LRP5: variants seen among roughly 807,000 people sequenced by gnomAD.
LRP5 encodes LDL receptor related protein 5.
LRP5 carries 62 observed loss-of-function variants against 154.1 expected under a neutral mutation model. The ratio of observed to expected loss-of-function variants is 0.40; its 90% CI spans 0.33 to 0.50. LRP5 has a LOEUF of 0.50. Ranked by LOEUF, LRP5 falls within the 20% of genes least tolerant of loss-of-function variation. The pLI is 0.55. For missense variants in LRP5, 1,915 were observed against 2,336.7 expected (o/e 0.82, Z 3.72); for synonymous variants, 966 against 1,011.5 (o/e 0.96, Z 0.85).
In LRP5 at chr11:68,413,653, C is replaced by T. The variant is rs761291947; in HGVS notation, c.2504-36C>T. On this transcript the variant is annotated intron_variant, in intron 11 of 22. Transcript: ENST00000294304. This position sits in a 1 kb window ranked among gnomAD's most constrained non-coding sequence, Gnocchi z 5.1. ...CCGTGTGCTCTGTGGCCTGGCTGTGCCTTTGCTGACACCGTGCCCGTGTGT... is the reference window on the plus strand; with the variant it reads ...CCGTGTGCTCTGTGGCCTGGCTGTGTCTTTGCTGACACCGTGCCCGTGTGT... 6.3e-7 allele frequency: 1 copy of T among 1,597,302 alleles called. No individual in the cohort carries two copies. Among genetic ancestry groups the T allele is most frequent in the East Asian group, 2.2e-5 (1 of 44,822 alleles).
intron 5 of LRP5, among the ~76,000 whole-genome samples, chr11:68,384,666 G>T (rs1220416775): frequency 6.6e-6 from 1 of 152,170 alleles, no homozygotes; most frequent in Non-Finnish European, 1.5e-5. Flanking sequence ...CAAACTGGGG[G>T]TCCTAGGACA....
At chr11:68,340,956 T>C (rs1360754946) in intron 1 of LRP5, among the ~76,000 whole-genome samples, 1 of 152,020 alleles carries the variant, frequency 6.6e-6, no homozygotes, top group Non-Finnish European at 1.5e-5. Flanking sequence ...GGTGTTGACA[T>C]GTCGAACGTT....
intron 8 of LRP5, among the ~76,000 whole-genome samples, chr11:68,404,767 G>A (rs1408150904): frequency 1.3e-5 from 2 of 151,990 alleles, no homozygotes; most frequent in East Asian, 1.9e-4. Flanking sequence ...TCAGGAGATC[G>A]AGACCATCCT....
chr11:68,441,841 A>G lies in LRP5; in HGVS notation c.4488+1925A>G, dbSNP rs58191456. Among the ~76,000 whole-genome samples the G allele has an allele frequency of 8.7e-3, 1,320 of 152,330 alleles. 26 individuals carry two copies. The highest frequency in any genetic ancestry group is 0.031 in the African/African-American group (1,273 of 41,566). ...ATGTGTGCAACCCTCACCACAGTTA[A>G]TTTTAGAACATTTTCCTGCCCCTAA... On this transcript the variant is annotated intron_variant, in intron 21 of 22. Coordinates refer to ENST00000294304, the MANE Select transcript of LRP5 (RefSeq NM_002335.4).
At chr11:68,420,079 G>A (rs1294634631) in intron 13 of LRP5, among the ~76,000 whole-genome samples, 4 of 152,118 alleles carry the variant, frequency 2.6e-5, no homozygotes, top group Non-Finnish European at 4.4e-5. Context: ...GCGAGCCACC[G>A]CACCCAGCCC....
At chr11:68,346,124 T>A (rs562234603) in intron 1 of LRP5, among the ~76,000 whole-genome samples, 2 of 152,360 alleles carry the variant, frequency 1.3e-5, no homozygotes, top group African/African-American at 4.8e-5. Flanking sequence ...GTGGGTTGCC[T>A]TTTTACTCTC....
At chr11:68,415,311 C>T (rs2098661931) in intron 12 of LRP5, among the ~76,000 whole-genome samples, 1 of 152,144 alleles carries the variant, frequency 6.6e-6, no homozygotes, top group Non-Finnish European at 1.5e-5. Flanking sequence ...TTGACTGTGC[C>T]CGGTTTTCCG....
chr11:68,302,729 CAT>C, the LRP5 span, among the ~76,000 whole-genome samples: 6 of 152,184 alleles, frequency 3.9e-5, no homozygotes, highest in South Asian at 8.3e-4. Flanking sequence ...GCATGACACA[CAT>C]GTCTGGTGTT....
chr11:68,358,820 C>T (rs1453932720), intron 3 of LRP5, among the ~76,000 whole-genome samples: 1 of 152,222 alleles, frequency 6.6e-6, no homozygotes, highest in Non-Finnish European at 1.5e-5. Context: ...ATTCACTAAC[C>T]AAGTGCTGCC....
chr11:68,312,656 G>C lies in LRP5; in HGVS notation c.-59G>C. ...GCCGGGAGCCGCGCGAGGAGCCGCC[G>C]CCGCCGCGCCATGGAGCCCGAGTGA... is the stretch of plus-strand genomic sequence containing the variant. On this transcript the variant is annotated 5_prime_UTR_variant, in exon 1 of 23. Coordinates refer to ENST00000294304, the MANE Select transcript of LRP5 (RefSeq NM_002335.4). 1 of 815,048 alleles carries C rather than the reference G, an allele frequency of 1.2e-6. No individual in the cohort carries two copies. Among genetic ancestry groups the C allele is most frequent in the Non-Finnish European group, 1.5e-6 (1 of 673,860 alleles). 50.5% of individuals were successfully genotyped at this position (815,048 alleles called of 1,614,324 possible). A position where few individuals can be genotyped will look rare whatever the true frequency, so the allele number is the denominator to read the frequency against.
At chr11:68,319,879 C>T (rs1203263255) in intron 1 of LRP5, among the ~76,000 whole-genome samples, 3 of 151,978 alleles carry the variant, frequency 2.0e-5, no homozygotes, top group South Asian at 2.1e-4. Flanking sequence ...ATATTGAGGC[C>T]GGGCACAGTG....
chr11:68,354,399 C>T (rs1056236636), intron 2 of LRP5, among the ~76,000 whole-genome samples: 2 of 152,210 alleles, frequency 1.3e-5, no homozygotes, highest in Non-Finnish European at 2.9e-5. Flanking sequence ...GGCTCCTGCT[C>T]CTGCACGTTT....
intron 13 of LRP5, among the ~76,000 whole-genome samples, chr11:68,416,843 C>T (rs578212096): frequency 1.8e-4 from 27 of 152,312 alleles, no homozygotes; most frequent in African/African-American, 6.5e-4. Context: ...ACTGGTTAAT[C>T]CAGGTTTATC....
At chr11:68,350,741 C>T (rs953773484) in intron 2 of LRP5, among the ~76,000 whole-genome samples, 3 of 152,232 alleles carry the variant, frequency 2.0e-5, no homozygotes, top group Non-Finnish European at 4.4e-5. Flanking sequence ...CCAAGTTCAC[C>T]TCTTTGATCT....
intron 1 of LRP5, among the ~76,000 whole-genome samples, chr11:68,341,059 C>CTTTTTTTTTTTTTTTTTTTTTTTTTTTTT (rs576462333): frequency 2.4e-5 from 2 of 83,494 alleles, no homozygotes; most frequent in Admixed American, 1.6e-4. Flanking sequence ...GGAGATTGTT[C>CTTTTTTTTTTTTTTTTTTTTTTTTTTTTT]TTTTTTTTTT....
At chr11:68,431,415 T>C (rs991594367) in intron 17 of LRP5, among the ~76,000 whole-genome samples, 17 of 152,006 alleles carry the variant, frequency 1.1e-4, no homozygotes, top group Non-Finnish European at 2.2e-4. Context: ...AATTTTTGTA[T>C]TTTCAGTAGA....
At chr11:68,361,137 CT>C (rs1332733931) in intron 3 of LRP5, among the ~76,000 whole-genome samples, 1 of 148,076 alleles carries the variant, frequency 6.8e-6, no homozygotes, top group Non-Finnish European at 1.5e-5. Context: ...AACCCTGTCT[CT>C]ACTAAAAATA....
At position 68,438,671 on chromosome 11, in the gene LRP5, G is replaced by T. The variant is rs143166423; in HGVS notation, c.4337G>T (p.Gly1446Val). 1.9e-6 allele frequency: 3 copies of T among 1,612,216 alleles called. No individual in the cohort carries two copies. The highest frequency in any genetic ancestry group is 2.7e-5 in the African/African-American group (2 of 74,932). ...ATAGCCCCGGGCGGTTCCCAGCATG[G>T]CCCCTTCACAGGTAAGGAGCCTGAG... ...NFIAPGGSQH[G>V]PFTGIACGKS... is the part of the protein sequence containing the mutation. Residue 1446 changes from glycine (G) to valine (V), a missense_variant, in exon 20 of 23, where the codon GGC becomes GTC. By Grantham distance (109) the Gly-to-Val change is moderately radical. This residue lies in a region of LRP5 where 1,094 missense variants were observed against 1,210.1 expected (regional missense o/e 0.90). Transcript: ENST00000294304.
chr11:68,350,702 G>C (rs965176011), intron 2 of LRP5, among the ~76,000 whole-genome samples: 1 of 152,224 alleles, frequency 6.6e-6, no homozygotes, highest in African/African-American at 2.4e-5. Context: ...GCTGGTGTTT[G>C]GGAGCTCAGG....
Sources: allele counts gnomAD v4.1 joint callset (sites outside exome capture counted in the v4.1 genomes callset), GRCh38; gene constraint gnomAD v4.1.1; regional missense constraint gnomAD v4.1.1; non-coding constraint Gnocchi (gnomAD v3.1); transcripts MANE v1.5; gene names NCBI Gene and HGNC (gene_info 2026-07-23, HGNC 2026-07-21).